Variants in ANKRD17 observed in about 807,000 individuals in gnomAD.
ANKRD17 encodes ankyrin repeat domain-containing protein 17.
In ANKRD17, 19 loss-of-function variants were observed where a neutral mutation model predicts 229.7. The observed-to-expected ratio is 0.08, with a 90% confidence interval of 0.06 to 0.12. ANKRD17 has a LOEUF of 0.12. ANKRD17 is among the 10% of genes least tolerant of loss of function. The pLI, the probability that ANKRD17 is intolerant of heterozygous loss-of-function variation, is 1.00. For synonymous variants in ANKRD17, 1,112 were observed against 1,146.1 expected, an observed-to-expected ratio of 0.97 and a Z score of 0.60; for missense variants, 2,176 against 3,176.8, an observed-to-expected ratio of 0.68 and a Z score of 7.57.
At chr4:73,100,843 C>A in intron 25 of ANKRD17, 3 of 984,714 alleles carry the variant, frequency 3.0e-6, no homozygotes, top group Non-Finnish European at 3.6e-6. Context: ...AAACAAAACA[C>A]ACACACACAT....
intron 5 of ANKRD17, 104 bp from the exon 6 acceptor site, chr4:73,154,217 A>G (rs934212141): frequency 1.3e-5 from 8 of 600,406 alleles, no homozygotes; most frequent in Admixed American, 3.7e-5. Flanking sequence ...TACAACCATA[A>G]TAAATATTAA....
chr4:73,134,260 C>T (rs1451342833), intron 16 of ANKRD17, among the ~76,000 whole-genome samples: 1 of 152,076 alleles, frequency 6.6e-6, no homozygotes, highest in Non-Finnish European at 1.5e-5. Flanking sequence ...TTTCTCCCCA[C>T]GTTACCCCTG....
At position 73,125,044 on chromosome 4, in the gene ANKRD17, T is replaced by C. The variant is rs762193875; in HGVS notation, c.3361A>G (p.Ile1121Val). Reference sequence around the variant, plus strand: ...ACATGACCAGCTGTGGCAGCCAAGATGAGTGGAGTAAAACCTGGAGAAAAA... The same window carrying C: ...ACATGACCAGCTGTGGCAGCCAAGACGAGTGGAGTAAAACCTGGAGAAAAA... Reference protein sequence around the residue: ...HRDKKGFTPLILAATAGHVGV... With the variant: ...HRDKKGFTPLVLAATAGHVGV... Residue 1121 changes from isoleucine to valine, a missense_variant, in exon 18 of 34, where the codon ATC becomes GTC. By Grantham distance (29) the Ile-to-Val change is conservative. This residue lies in a region of ANKRD17 where 178 missense variants were observed against 421.7 expected (regional missense o/e 0.42). Transcript: ENST00000358602. The C allele has an allele frequency of 5.6e-6, 9 of 1,614,026 alleles. No homozygotes were observed. The highest frequency in any genetic ancestry group is 4.2e-6 in the Non-Finnish European group (5 of 1,180,028).
chr4:73,213,593 A>T (rs1356709360), intron 1 of ANKRD17, among the ~76,000 whole-genome samples: 1 of 152,212 alleles, frequency 6.6e-6, no homozygotes, highest in African/African-American at 2.4e-5. Flanking sequence ...AAAGACAGAG[A>T]TGTACAGATG....
chr4:73,134,308 A>G (rs1728617042), intron 16 of ANKRD17, among the ~76,000 whole-genome samples: 1 of 152,184 alleles, frequency 6.6e-6, no homozygotes, highest in Admixed American at 6.5e-5. Flanking sequence ...ATAATCATAT[A>G]TAAAATTAAA....
intron 1 of ANKRD17, among the ~76,000 whole-genome samples, chr4:73,249,561 A>G (rs1560787310): frequency 6.6e-6 from 1 of 152,264 alleles, no homozygotes; most frequent in African/African-American, 2.4e-5. Flanking sequence ...ATAAGAATAT[A>G]CTTAAGTAAA....
At chr4:73,216,764 T>A (rs1741108906) in intron 1 of ANKRD17, among the ~76,000 whole-genome samples, 1 of 152,202 alleles carries the variant, frequency 6.6e-6, no homozygotes, top group South Asian at 2.1e-4. Flanking sequence ...CATAAAACTA[T>A]GTGCTATCCT....
intron 1 of ANKRD17, among the ~76,000 whole-genome samples, chr4:73,219,937 A>G (rs1009919805): frequency 2.0e-5 from 3 of 152,160 alleles, no homozygotes; most frequent in African/African-American, 7.2e-5. Flanking sequence ...TAAGACTCCT[A>G]AAACTGGCTC....
intron 6 of ANKRD17, among the ~76,000 whole-genome samples, chr4:73,152,829 G>C (rs1028199230): frequency 1.3e-5 from 2 of 152,162 alleles, no homozygotes; most frequent in African/African-American, 4.8e-5. Context: ...AACAGGATTG[G>C]GGAAGGGAAC....
At chr4:73,242,170 A>G (rs547628145) in intron 1 of ANKRD17, among the ~76,000 whole-genome samples, 1 of 152,310 alleles carries the variant, frequency 6.6e-6, no homozygotes, top group African/African-American at 2.4e-5. Flanking sequence ...AACACAAGGG[A>G]CAAATACTGG....
Position 73,125,337 on chromosome 4 carries a change from G to A in ANKRD17, c.3235-25C>T, listed in dbSNP as rs374172278. 132 of 1,492,450 alleles carry A rather than the reference G, an allele frequency of 8.8e-5. 1 individual carries two copies. Among genetic ancestry groups the A allele is most frequent in the Admixed American group, 4.2e-4 (21 of 50,216 alleles). 92.5% of individuals were successfully genotyped at this position (1,492,450 alleles called of 1,614,324 possible). ...TCTATAAGAAATTATTTTTTGGTTA[G>A]TTTATTAAATAACTTAAGATGTTAA... On this transcript the variant is annotated intron_variant, in intron 16 of 33. Coordinates refer to ENST00000358602, the MANE Select transcript of ANKRD17 (RefSeq NM_032217.5).
Position 73,177,502 on chromosome 4 carries a change from A to G in ANKRD17, c.425T>C (p.Leu142Ser). ...VESFILDQDD[L>S]ENPMLETASK... ...AGCTGTTTCCAGCATTGGATTTTCC[A>G]AATCATCCTGATCCAAAATGAAAGA... Residue 142 changes from leucine to serine, a missense_variant, in exon 2 of 34, where the codon TTG becomes TCG. Transcript: ENST00000358602. 1 of 1,613,512 alleles carries G rather than the reference A, an allele frequency of 6.2e-7. No individual in the cohort carries two copies. The highest frequency in any genetic ancestry group is 8.5e-7 in the Non-Finnish European group (1 of 1,179,666).
chr4:73,250,637 A>G (rs1578525866), intron 1 of ANKRD17, among the ~76,000 whole-genome samples: 1 of 144,798 alleles, frequency 6.9e-6, no homozygotes, highest in East Asian at 2.1e-4. Flanking sequence ...AGTTGTTTTT[A>G]AAGACACTAA....
intron 1 of ANKRD17, among the ~76,000 whole-genome samples, chr4:73,181,703 C>G (rs1411512939): frequency 6.6e-6 from 1 of 151,958 alleles, no homozygotes; most frequent in African/African-American, 2.4e-5. Flanking sequence ...TGAATCACAA[C>G]CAACTTCTGG....
chr4:73,104,777 ATT>A lies in ANKRD17; in HGVS notation c.4402-2232_4402-2231del, dbSNP rs1158484382. 4.6e-5 allele frequency among the ~76,000 whole-genome samples: 7 copies of A among 151,814 alleles called. No individual in the cohort carries two copies. In the South Asian group the frequency reaches 1.5e-3, roughly 32 times the overall value. On this transcript the variant is annotated intron_variant, in intron 24 of 33. Transcript: ENST00000358602. The stretch of plus-strand genomic sequence containing the variant: ...GGTGGGGGGGATTTGGGGGTGGAGA[ATT>A]TTTTTTAAAAGAATAAGAGTTTTAA...
chr4:73,115,586 G>A (rs951081757), intron 23 of ANKRD17, among the ~76,000 whole-genome samples: 2 of 151,996 alleles, frequency 1.3e-5, no homozygotes, highest in African/African-American at 4.8e-5. Flanking sequence ...CACTGCACCT[G>A]GCCTCAAGTA....
intron 29 of ANKRD17, among the ~76,000 whole-genome samples, chr4:73,090,236 C>A (rs1464591132): frequency 1.3e-5 from 2 of 152,018 alleles, no homozygotes; most frequent in African/African-American, 4.8e-5. Flanking sequence ...ATGGTGAAAC[C>A]CCATCTCTAC....
intron 1 of ANKRD17, among the ~76,000 whole-genome samples, chr4:73,183,818 T>G (rs1015909127): frequency 2.0e-5 from 3 of 152,192 alleles, no homozygotes; most frequent in Admixed American, 2.0e-4. Flanking sequence ...CTAAGTCCTT[T>G]TAATTTTGAA....
At chr4:73,080,726 C>G (rs1196280424) in intron 30 of ANKRD17, 1 of 152,212 alleles carries the variant, frequency 6.6e-6, no homozygotes, top group Non-Finnish European at 1.5e-5. Flanking sequence ...CCTACCTTAA[C>G]CTCTGTGTTC....
Sources: allele counts gnomAD v4.1 joint callset (sites outside exome capture counted in the v4.1 genomes callset), GRCh38; gene constraint gnomAD v4.1.1; regional missense constraint gnomAD v4.1.1; transcripts MANE v1.5; gene names NCBI Gene and HGNC (gene_info 2026-07-23, HGNC 2026-07-21).